Variants in SLC12A4 observed in about 807,000 individuals in gnomAD.
SLC12A4 encodes solute carrier family 12 member 4.
SLC12A4 carries 84 observed loss-of-function variants against 119.2 expected under a neutral mutation model. The ratio of observed to expected loss-of-function variants is 0.70; its 90% CI spans 0.59 to 0.85. The LOEUF (loss-of-function observed/expected upper bound fraction) is 0.85, where lower values mean the gene tolerates loss of function less well. Ranked by LOEUF, SLC12A4 falls within the 40% of genes least tolerant of loss-of-function variation. SLC12A4 has a pLI of 0.00. For synonymous variants in SLC12A4, 599 were observed against 604.6 expected (o/e 0.99, Z 0.14); for missense variants, 1,298 against 1,476.3 (o/e 0.88, Z 1.98).
chr16:67,961,829 C>A, intron 2 of SLC12A4, 123 bp from the exon 3 acceptor site: 1 of 1,300,674 alleles, frequency 7.7e-7, no homozygotes, highest in Non-Finnish European at 1.1e-6. Context: ...GATCCCAGTT[C>A]CTACCTGGGG....
At chr16:67,947,894 G>A (rs1455510090) in intron 14 of SLC12A4, 106 bp from the exon 15 acceptor site, 1 of 1,510,836 alleles carries the variant, frequency 6.6e-7, no homozygotes, top group African/African-American at 1.4e-5. Context: ...GGAGGTCCCA[G>A]GTGGGTGGTC....
rs796242611 is a variant in SLC12A4 at position 67,957,732 on chromosome 16, G to A, written c.544+10C>T. The A allele has an allele frequency of 1.9e-5, 31 of 1,612,750 alleles. No individual in the cohort carries two copies. Among genetic ancestry groups the A allele is most frequent in the African/African-American group, 1.6e-4 (12 of 74,964 alleles). The stretch of plus-strand genomic sequence containing the variant: ...TCTCTTCCACCAGGCCTTGGGTGGC[G>A]CTCACTGACCTGGAACCACACCGTT... On this transcript the variant is annotated intron_variant, in intron 5 of 23. Transcript: ENST00000316341.
At position 67,943,509 on chromosome 16, in the gene SLC12A4, G is replaced by A. The variant is rs2058305715; in HGVS notation, c.*1331C>T. 1.9e-5 allele frequency: 10 copies of A among 524,820 alleles called. No homozygotes were observed. Among genetic ancestry groups the A allele is most frequent in the Non-Finnish European group, 2.4e-5 (7 of 288,922 alleles). The allele number at this position is 524,820 out of a possible 1,614,324, so 32.5% of individuals were successfully genotyped here. On this transcript the variant is annotated 3_prime_UTR_variant, in exon 24 of 24. Coordinates refer to ENST00000316341, the MANE Select transcript of SLC12A4 (RefSeq NM_005072.5). The surrounding 1 kb of genome is among the most constrained non-coding windows in gnomAD (Gnocchi z 4.6). ...CGCTCCTTTATTGCCAAAGTCCAAG[G>A]TGGGAACAGATAGGTCTGGGGGCAT...
intron 1 of SLC12A4, among the ~76,000 whole-genome samples, chr16:67,966,579 T>C (rs1213317058): frequency 6.6e-6 from 1 of 152,168 alleles, no homozygotes; most frequent in Non-Finnish European, 1.5e-5. Flanking sequence ...CTCCAGCACC[T>C]CCCTACCCCC....
rs148611129 is a variant in SLC12A4, at chr16:67,961,113, C to T, written c.342+462G>A. Among the ~76,000 whole-genome samples the T allele has an allele frequency of 4.6e-3, 697 of 152,256 alleles. 6 individuals carry two copies. Among genetic ancestry groups the T allele is most frequent in the African/African-American group, 0.015 (643 of 41,536 alleles). Reference sequence around the variant, plus strand: ...TTGCATAGTTACATATCCCACAAATCTGTCTCCCATAAAATCTACGAATCC... The same window carrying T: ...TTGCATAGTTACATATCCCACAAATTTGTCTCCCATAAAATCTACGAATCC... On this transcript the variant is annotated intron_variant, in intron 3 of 23. Transcript: ENST00000316341.
chr16:67,943,814 C>T lies in SLC12A4; in HGVS notation c.*1026G>A. The T allele has an allele frequency of 1.2e-6, 1 of 842,762 alleles. No individual in the cohort carries two copies. The highest frequency in any genetic ancestry group is 1.9e-5 in the South Asian group (1 of 52,478). The allele number at this position is 842,762 out of a possible 1,614,324, so 52.2% of individuals were successfully genotyped here. ...TCTAAGGGACAAGCTTTTGGCCCCT[C>T]CCCACACCAGGGCAGGTACTTATGT... On this transcript the variant is annotated 3_prime_UTR_variant, in exon 24 of 24. Transcript: ENST00000316341. The surrounding 1 kb of genome is among the most constrained non-coding windows in gnomAD (Gnocchi z 4.6).
rs1446128519 is a variant in SLC12A4, at chr16:67,952,264, G to C, written c.837C>G (p.Leu279=). 1 of 1,614,210 alleles carries C rather than the reference G, an allele frequency of 6.2e-7. No individual in the cohort carries two copies. The highest frequency in any genetic ancestry group is 8.5e-7 in the Non-Finnish European group (1 of 1,180,042). The change falls in exon 7 of 24, where the codon CTC becomes CTG. Residue 279 remains leucine, a synonymous_variant. Coordinates refer to ENST00000316341, the MANE Select transcript of SLC12A4 (RefSeq NM_005072.5). ...GVKYVNKFAS[L]FLACVIISIL... Reference sequence around the variant, plus strand: ...TGGAGATGATCACACAGGCCAGGAAGAGCGAGGCAAATTTGTTCACATACT... The same window carrying C: ...TGGAGATGATCACACAGGCCAGGAACAGCGAGGCAAATTTGTTCACATACT...
chr16:67,966,625 C>T, intron 1 of SLC12A4: 1 of 1,258,748 alleles, frequency 7.9e-7, no homozygotes, highest in Non-Finnish European at 1.1e-6. Flanking sequence ...TGAGCAAGCC[C>T]ATCTAGGCCT....
Position 67,949,755 on chromosome 16 carries a change from A to G in SLC12A4, c.1748+45T>C, listed in dbSNP as rs1479643469. 7.4e-7 allele frequency: 1 copy of G among 1,346,322 alleles called. No homozygotes were observed. Among genetic ancestry groups the G allele is most frequent in the East Asian group, 2.4e-5 (1 of 41,976 alleles). 83.4% of individuals were successfully genotyped at this position (1,346,322 alleles called of 1,614,324 possible). On this transcript the variant is annotated intron_variant, in intron 13 of 23. Coordinates refer to ENST00000316341, the MANE Select transcript of SLC12A4 (RefSeq NM_005072.5). The surrounding 1 kb of genome is among the most constrained non-coding windows in gnomAD (Gnocchi z 4.6). ...CAGCCACGGGGAGGTGCTGGGGTTC[A>G]GGAAGCCTTTCCCCATCCCCCTGCC... is the stretch of plus-strand genomic sequence containing the variant.
chr16:67,944,168 A>G lies in SLC12A4; in HGVS notation c.*672T>C. Reference sequence around the variant, plus strand: ...TGTCCTTATCTGGTGTGGGAGTGGGAGGGGCCCTAGGGCCAGTGGGAGGGA... The same window carrying G: ...TGTCCTTATCTGGTGTGGGAGTGGGGGGGGCCCTAGGGCCAGTGGGAGGGA... On this transcript the variant is annotated 3_prime_UTR_variant, in exon 24 of 24. Transcript: ENST00000316341. The surrounding 1 kb of genome is among the most constrained non-coding windows in gnomAD (Gnocchi z 6.6). 3 of 1,512,692 alleles carry G rather than the reference A, an allele frequency of 2.0e-6. No individual in the cohort carries two copies. Among genetic ancestry groups the G allele is most frequent in the Non-Finnish European group, 2.7e-6 (3 of 1,122,254 alleles). The allele number at this position is 1,512,692 out of a possible 1,614,324, so 93.7% of individuals were successfully genotyped here. A position where few individuals can be genotyped will look rare whatever the true frequency, so the allele number is the denominator to read the frequency against.
Position 67,950,736 on chromosome 16 carries a change from G to A in SLC12A4, c.1397-25C>T, listed in dbSNP as rs772900704. 2.1e-5 allele frequency: 33 copies of A among 1,591,862 alleles called. No homozygotes were observed. Among genetic ancestry groups the A allele is most frequent in the Non-Finnish European group, 2.6e-5 (31 of 1,169,844 alleles). ...TCTGCGGCGGCGTCAAGGAAAACTC[G>A]GCCTCTGCCACCCCACTGTCCCTGA... On this transcript the variant is annotated intron_variant, in intron 10 of 23. Transcript: ENST00000316341. This position sits in a 1 kb window ranked among gnomAD's most constrained non-coding sequence, Gnocchi z 4.3.
In SLC12A4 at chr16:67,950,621, C is replaced by A; in HGVS notation, c.1454+33G>T. On this transcript the variant is annotated intron_variant, in intron 11 of 23. Transcript: ENST00000316341. This position sits in a 1 kb window ranked among gnomAD's most constrained non-coding sequence, Gnocchi z 4.3. ...GGTGTGAGGGCAGGCCAAAGCCCAG[C>A]CGCTGCTAAAGAGGGGGGCCCAGCT... 1 of 1,609,308 alleles carries A rather than the reference C, an allele frequency of 6.2e-7. No homozygotes were observed.
chr16:67,944,949 A>G lies in SLC12A4; in HGVS notation c.3167-18T>C, dbSNP rs763487318. On this transcript the variant is annotated intron_variant, in intron 23 of 23. Coordinates refer to ENST00000316341, the MANE Select transcript of SLC12A4 (RefSeq NM_005072.5). The surrounding 1 kb of genome is among the most constrained non-coding windows in gnomAD (Gnocchi z 6.6). ...CTCCATGTCTGCAGGGCCTCAAGTCAAGGAGGCAACAACAGAATCAACGGG... is the reference window on the plus strand; with the variant it reads ...CTCCATGTCTGCAGGGCCTCAAGTCGAGGAGGCAACAACAGAATCAACGGG... 5 of 1,613,150 alleles carry G rather than the reference A, an allele frequency of 3.1e-6. No homozygotes were observed. Among genetic ancestry groups the G allele is most frequent in the Non-Finnish European group, 4.2e-6 (5 of 1,179,908 alleles).
rs1456956961 is a variant in SLC12A4 at position 67,949,997 on chromosome 16, T to C, written c.1630-79A>G. 1 of 1,179,550 alleles carries C rather than the reference T, an allele frequency of 8.5e-7. No individual in the cohort carries two copies. The highest frequency in any genetic ancestry group is 1.3e-6 in the Non-Finnish European group (1 of 798,800). The allele number at this position is 1,179,550 out of a possible 1,614,324, so 73.1% of individuals were successfully genotyped here. A position where few individuals can be genotyped will look rare whatever the true frequency, so the allele number is the denominator to read the frequency against. On this transcript the variant is annotated intron_variant, in intron 12 of 23. Coordinates refer to ENST00000316341, the MANE Select transcript of SLC12A4 (RefSeq NM_005072.5). This position sits in a 1 kb window ranked among gnomAD's most constrained non-coding sequence, Gnocchi z 4.6. ...GCCCCAGACCCCAGCCTGGCCTCCC[T>C]CACCCCCAGGGCCCGCCTTGGGGGC...
Position 67,948,128 on chromosome 16 carries a change from G to A in SLC12A4, c.1780C>T (p.Leu594Phe), listed in dbSNP as rs147954596. Residue 594 changes from leucine to phenylalanine, a missense_variant, in exon 14 of 24, where the codon CTC becomes TTC. By Grantham distance (22) the Leu-to-Phe change is conservative. Transcript: ENST00000316341. ...AGGAGTGTCTGCACCGCACAGGCGA[G>A]GTTCACGAACAGGTAGCACATCAGA... ...FFLMCYLFVNLACAVQTLLRT... is the reference protein window; with the variant it reads ...FFLMCYLFVNFACAVQTLLRT... 74 of 1,613,140 alleles carry A rather than the reference G, an allele frequency of 4.6e-5. No homozygotes were observed. Among genetic ancestry groups the A allele is most frequent in the Middle Eastern group, 3.3e-4 (2 of 6,084 alleles).
chr16:67,961,063 C>G (rs532981156), intron 3 of SLC12A4, among the ~76,000 whole-genome samples: 2 of 151,986 alleles, frequency 1.3e-5, no homozygotes, highest in Admixed American at 6.6e-5. Flanking sequence ...TAGCCAGCCT[C>G]ACACAATGTC....
At chr16:67,966,033 G>A (rs746375221) in intron 1 of SLC12A4, among the ~76,000 whole-genome samples, 1 of 152,198 alleles carries the variant, frequency 6.6e-6, no homozygotes, top group African/African-American at 2.4e-5. Flanking sequence ...GCCAGGGTAC[G>A]CATACCTAGG....
In SLC12A4 at chr16:67,948,041, G is replaced by C; in HGVS notation, c.1847+20C>G. 6.2e-7 allele frequency: 1 copy of C among 1,610,912 alleles called. No individual in the cohort carries two copies. Among genetic ancestry groups the C allele is most frequent in the Non-Finnish European group, 8.5e-7 (1 of 1,178,040 alleles). ...GCTCCTGGCCTCCCCAGGGTCTCCC[G>C]TGTCAGAGGCATGGCTCACCAGTGA... On this transcript the variant is annotated intron_variant, in intron 14 of 23. Coordinates refer to ENST00000316341, the MANE Select transcript of SLC12A4 (RefSeq NM_005072.5).
In SLC12A4 at chr16:67,951,996, A is replaced by C; in HGVS notation, c.959T>G (p.Phe320Cys). Residue 320 changes from phenylalanine (F) to cysteine (C), a missense_variant, in exon 8 of 24, where the codon TTT (phenylalanine) becomes TGT (cysteine). Physicochemically the swap from Phe to Cys is radical, Grantham distance 205. Coordinates refer to ENST00000316341, the MANE Select transcript of SLC12A4 (RefSeq NM_005072.5). The surrounding 1 kb of genome is among the most constrained non-coding windows in gnomAD (Gnocchi z 5.2). The part of the protein sequence containing the change: ...LGNRTLSRDQ[F>C]DICAKTAVVD... ...TACAGCTGTCTTGGCACAGATGTCA[A>C]ACTGGTCCCGGGACAGGGTCCTGTT... 6.2e-7 allele frequency: 1 copy of C among 1,614,046 alleles called. No homozygotes were observed. Among genetic ancestry groups the C allele is most frequent in the Non-Finnish European group, 8.5e-7 (1 of 1,180,012 alleles).
Sources: gnomAD v4.1 joint callset for allele counts (sites outside exome capture counted in the v4.1 genomes callset) on GRCh38, gnomAD v4.1.1 for gene constraint, Gnocchi (gnomAD v3.1) non-coding constraint, MANE v1.5 for transcripts, NCBI Gene and HGNC (gene_info 2026-07-23, HGNC 2026-07-21) for gene names.